Variants in MTUS2 observed in about 807,000 individuals in gnomAD.
The protein encoded by MTUS2 is microtubule associated scaffold protein 2.
In MTUS2, 40 loss-of-function variants were observed where a neutral mutation model predicts 114.1. That is an observed-to-expected ratio of 0.35 (90% CI 0.27 to 0.46). MTUS2 has a LOEUF of 0.46. Among genes scored for constraint, MTUS2 ranks in the 20% least tolerant of loss-of-function variants. The pLI is 1.00. For synonymous variants in MTUS2, 688 were observed against 672.0 expected (o/e 1.02, Z -0.37); for missense variants, 1,679 against 1,705.4 (o/e 0.98, Z 0.27).
chr13:28,971,544 A>G lies in MTUS2; in HGVS notation c.-242-52913A>G, dbSNP rs144810759. ...TTAGGACTTCAACAGTAAGAGCTAT[A>G]TAAAAATGGAATGGGCCACAGTGAA... is the stretch of plus-strand genomic sequence containing the variant. On this transcript the variant is annotated intron_variant, in intron 2 of 15. Transcript: ENST00000612955. Among the ~76,000 whole-genome samples, 20 of 152,394 alleles carry G rather than the reference A, an allele frequency of 1.3e-4. No homozygotes were observed. The East Asian group carries it at 2.9e-3, about 22-fold the overall frequency.
chr13:28,990,994 A>T (rs1008597530), intron 2 of MTUS2, among the ~76,000 whole-genome samples: 4 of 152,208 alleles, frequency 2.6e-5, no homozygotes, highest in African/African-American at 9.6e-5. Flanking sequence ...GAAGTCAGCG[A>T]GACCAACAAC....
chr13:29,115,068 G>T (rs896383451), intron 5 of MTUS2, among the ~76,000 whole-genome samples: 1 of 152,182 alleles, frequency 6.6e-6, no homozygotes, highest in Non-Finnish European at 1.5e-5. Context: ...TGAGAGAAAT[G>T]TACAGGATAA....
At chr13:29,107,066 C>T (rs370076580) in intron 5 of MTUS2, among the ~76,000 whole-genome samples, 35 of 152,276 alleles carry the variant, frequency 2.3e-4, no homozygotes, top group African/African-American at 7.5e-4. Flanking sequence ...CCTTCTATCC[C>T]TACCCGCACC....
intron 8 of MTUS2, among the ~76,000 whole-genome samples, chr13:29,435,247 G>C (rs1274457645): frequency 1.3e-5 from 2 of 152,194 alleles, no homozygotes; most frequent in Non-Finnish European, 1.5e-5. Context: ...GTTAGGCTTT[G>C]CAATTTCTGG....
chr13:29,066,383 G>T (rs184605336), intron 4 of MTUS2, among the ~76,000 whole-genome samples: 9 of 152,224 alleles, frequency 5.9e-5, no homozygotes, highest in Admixed American at 5.9e-4. Context: ...GTTAATAATA[G>T]CAATGCAGTG....
intron 5 of MTUS2, among the ~76,000 whole-genome samples, chr13:29,202,871 C>T (rs776112305): frequency 1.3e-5 from 2 of 152,204 alleles, no homozygotes; most frequent in African/African-American, 2.4e-5. Flanking sequence ...CCTGTTCCTT[C>T]CTCTGGAAGG....
intron 2 of MTUS2, among the ~76,000 whole-genome samples, chr13:28,886,697 A>ACTCTCCAGGAATGTG (rs1878609987): frequency 6.6e-6 from 1 of 152,060 alleles, no homozygotes; most frequent in Non-Finnish European, 1.5e-5. Context: ...AGTGTAAAAT[A>ACTCTCCAGGAATGTG]CTCTCCAGGA....
intron 2 of MTUS2, among the ~76,000 whole-genome samples, chr13:28,880,876 T>G (rs1000365975): frequency 1.3e-5 from 2 of 150,850 alleles, no homozygotes; most frequent in African/African-American, 4.8e-5. Context: ...TAGAATAGAT[T>G]ATAGTTAATC....
intron 8 of MTUS2, among the ~76,000 whole-genome samples, chr13:29,416,922 A>T (rs566995880): frequency 6.6e-6 from 1 of 152,306 alleles, no homozygotes; most frequent in Admixed American, 6.5e-5. Context: ...TTTCCCAAGT[A>T]CCCAGTGGGC....
In MTUS2 at chr13:29,026,186, A is replaced by C; in HGVS notation, c.1488A>C (p.Ala496=). Residue 496 remains alanine (A), a synonymous_variant, in exon 3 of 16, where the codon GCA becomes GCC. Transcript: ENST00000612955. ...ACCCTCAAAGTGGCCGCTCAGAAGC[A>C]CGGGAAAGCAAAGAGGTCACCACAT... ...PLDPQSGRSE[A]RESKEVTTSV... 6.2e-7 allele frequency: 1 copy of C among 1,614,020 alleles called. No individual in the cohort carries two copies. The highest frequency in any genetic ancestry group is 1.6e-4 in the Middle Eastern group (1 of 6,062).
At chr13:29,061,651 C>T (rs1888426400) in intron 4 of MTUS2, among the ~76,000 whole-genome samples, 1 of 152,210 alleles carries the variant, frequency 6.6e-6, no homozygotes. Flanking sequence ...TGAGTTTCTC[C>T]ATCCTGTGCT....
intron 4 of MTUS2, among the ~76,000 whole-genome samples, chr13:29,036,189 A>C (rs1160611261): frequency 6.6e-6 from 1 of 151,934 alleles, no homozygotes; most frequent in Non-Finnish European, 1.5e-5. Context: ...CCAACAGCTA[A>C]GATTCCACAT....
At chr13:29,498,176 A>G (rs552059213) in intron 13 of MTUS2, among the ~76,000 whole-genome samples, 2 of 152,304 alleles carry the variant, frequency 1.3e-5, no homozygotes, top group East Asian at 3.9e-4. Context: ...CAGACTTGCC[A>G]GTGGTTGATG....
At chr13:28,841,436 G>C (rs966280239) in intron 2 of MTUS2, among the ~76,000 whole-genome samples, 9 of 152,196 alleles carry the variant, frequency 5.9e-5, no homozygotes, top group Non-Finnish European at 1.3e-4. Context: ...TGAGGATGGT[G>C]GTGGCCGCTG....
intron 8 of MTUS2, among the ~76,000 whole-genome samples, chr13:29,398,491 GAA>G (rs60747066): frequency 4.2e-5 from 6 of 142,560 alleles, no homozygotes; most frequent in Non-Finnish European, 1.5e-5. Flanking sequence ...GAAAGAAAAA[GAA>G]AAAAAAAAAG....
At chr13:29,241,630 T>C (rs549506268) in intron 5 of MTUS2, among the ~76,000 whole-genome samples, 1 of 152,266 alleles carries the variant, frequency 6.6e-6, no homozygotes, top group Non-Finnish European at 1.5e-5. Context: ...TTTGATTGCA[T>C]TTGTTCTGTT....
chr13:29,399,514 C>A (rs941143798), intron 8 of MTUS2, among the ~76,000 whole-genome samples: 1 of 152,050 alleles, frequency 6.6e-6, no homozygotes, highest in Non-Finnish European at 1.5e-5. Flanking sequence ...ATCAAAGAAT[C>A]AGAAATTCAA....
At chr13:29,369,264 T>C (rs1871001040) in intron 8 of MTUS2, among the ~76,000 whole-genome samples, 1 of 152,188 alleles carries the variant, frequency 6.6e-6, no homozygotes. Context: ...TTTCAGCCCG[T>C]AGAGAAGCCC....
intron 4 of MTUS2, among the ~76,000 whole-genome samples, chr13:29,078,906 G>A (rs1889315232): frequency 6.6e-6 from 1 of 152,126 alleles, no homozygotes; most frequent in African/African-American, 2.4e-5. Context: ...CAAGTTTTAT[G>A]TAAACATATC....
Sources: gnomAD v4.1 joint callset for allele counts (sites outside exome capture counted in the v4.1 genomes callset) on GRCh38, gnomAD v4.1.1 for gene constraint, MANE v1.5 for transcripts, NCBI Gene and HGNC (gene_info 2026-07-23, HGNC 2026-07-21) for gene names.